PPFIA2: variants seen among roughly 807,000 people sequenced by gnomAD.
PPFIA2 encodes the protein liprin-alpha-2.
In PPFIA2, 46 loss-of-function variants were observed where a neutral mutation model predicts 175.5. The ratio of observed to expected loss-of-function variants is 0.26; its 90% CI spans 0.21 to 0.34. The LOEUF (loss-of-function observed/expected upper bound fraction) is 0.34. Ranked by LOEUF, PPFIA2 falls within the 10% of genes least tolerant of loss-of-function variation. The probability of loss-of-function intolerance (pLI) is 1.00; values close to 1 mark genes in which losing one functional copy is unlikely to be tolerated. For missense variants in PPFIA2, 1,179 were observed against 1,506.1 expected (o/e 0.78, Z 3.60); for synonymous variants, 568 against 511.4 (o/e 1.11, Z -1.49).
At chr12:81,466,969 GT>G (rs1231721325) in intron 4 of PPFIA2, among the ~76,000 whole-genome samples, 8 of 148,740 alleles carry the variant, frequency 5.4e-5, no homozygotes, top group African/African-American at 1.5e-4. Context: ...AAACCATGCA[GT>G]TTTTTTCTTT....
At chr12:81,396,726 T>C (rs1353978753) in intron 8 of PPFIA2, among the ~76,000 whole-genome samples, 1 of 152,046 alleles carries the variant, frequency 6.6e-6, no homozygotes, top group Non-Finnish European at 1.5e-5. Flanking sequence ...AATGAACAGA[T>C]TACTCTGATT....
At chr12:81,537,853 C>A (rs1420788965) in intron 4 of PPFIA2, among the ~76,000 whole-genome samples, 4 of 151,822 alleles carry the variant, frequency 2.6e-5, no homozygotes, top group Non-Finnish European at 5.9e-5. Context: ...TAAAAGGAAT[C>A]TCAAGATGTA....
chr12:81,565,171 C>A (rs761224600), intron 4 of PPFIA2, among the ~76,000 whole-genome samples: 9 of 152,180 alleles, frequency 5.9e-5, no homozygotes, highest in Non-Finnish European at 1.2e-4. Context: ...AGCCTCTCCA[C>A]CTTTGTCTGA....
chr12:81,493,248 T>C (rs2147124565), intron 4 of PPFIA2, among the ~76,000 whole-genome samples: 1 of 152,166 alleles, frequency 6.6e-6, no homozygotes, highest in South Asian at 2.1e-4. Flanking sequence ...GAAGTCATCA[T>C]TTATAAAAAG....
In PPFIA2 at chr12:81,676,828, G is replaced by A; in HGVS notation, c.266C>T (p.Thr89Ile). 2 of 1,563,514 alleles carry A rather than the reference G, an allele frequency of 1.3e-6. No homozygotes were observed. Among genetic ancestry groups the A allele is most frequent in the Non-Finnish European group, 1.7e-6 (2 of 1,155,648 alleles). The change falls in exon 4 of 33, where the codon ACA becomes ATA. Residue 89 changes from threonine (T) to isoleucine (I), a missense_variant. Thr to Ile is a moderately conservative substitution (Grantham distance 89). Transcript: ENST00000549396. ...SALPQDIESL[T>I]GGLAGSKGAD... ...CCCCTTAGAACCAGCCAGCCCTCCT[G>A]TTAGGGATTCGATATCCTGAAAAGG...
intron 14 of PPFIA2, among the ~76,000 whole-genome samples, chr12:81,363,555 T>C (rs1595588676): frequency 1.3e-5 from 2 of 151,870 alleles, no homozygotes. Flanking sequence ...TCTAAATGTA[T>C]CATTCTAGAT....
chr12:81,378,144 A>T (rs2036818333), intron 9 of PPFIA2: 1 of 152,222 alleles, frequency 6.6e-6, no homozygotes, highest in African/African-American at 2.4e-5. Context: ...ATCTCACTAG[A>T]GCCTTCAGAG....
At chr12:81,663,858 A>G (rs915364184) in intron 4 of PPFIA2, among the ~76,000 whole-genome samples, 1 of 152,232 alleles carries the variant, frequency 6.6e-6, no homozygotes, top group Non-Finnish European at 1.5e-5. Context: ...CCAATGGAAC[A>G]GAATAGAGCC....
At chr12:81,716,662 A>C (rs2078667064) in intron 3 of PPFIA2, among the ~76,000 whole-genome samples, 1 of 151,770 alleles carries the variant, frequency 6.6e-6, no homozygotes, top group Non-Finnish European at 1.5e-5. Flanking sequence ...GTTAGAAGTG[A>C]TGCTTTAAAC....
rs562079729 is a variant in PPFIA2, at chr12:81,451,318, A to C, written c.406-5598T>G. 1.3e-3 allele frequency among the ~76,000 whole-genome samples: 192 copies of C among 152,202 alleles called. 3 individuals are homozygous for C. The South Asian group carries it at 0.037, about 29-fold the overall frequency. On this transcript the variant is annotated intron_variant, in intron 5 of 32. Coordinates refer to ENST00000549396, the MANE Select transcript of PPFIA2 (RefSeq NM_003625.5). ...ACAATCCAAATCCCATCTTCCCAGT[A>C]ACATTTCTTGGGAATGTTTACCACT...
intron 4 of PPFIA2, among the ~76,000 whole-genome samples, chr12:81,642,821 T>C (rs1175691257): frequency 8.5e-6 from 1 of 117,874 alleles, no homozygotes; most frequent in Non-Finnish European, 1.7e-5. Context: ...TACATACATG[T>C]ATATGTATGT....
chr12:81,686,162 A>C (rs2074394953), intron 3 of PPFIA2, among the ~76,000 whole-genome samples: 1 of 152,058 alleles, frequency 6.6e-6, no homozygotes, highest in African/African-American at 2.4e-5. Flanking sequence ...CTTATTCACT[A>C]TCTGAAGAAG....
intron 3 of PPFIA2, among the ~76,000 whole-genome samples, chr12:81,689,296 T>A (rs1366331656): frequency 6.6e-6 from 1 of 152,056 alleles, no homozygotes; most frequent in African/African-American, 2.4e-5. Flanking sequence ...TTCAAATTTA[T>A]TTTTTATTTT....
At chr12:81,750,843 G>A (rs919721004) in intron 3 of PPFIA2, among the ~76,000 whole-genome samples, 3 of 152,016 alleles carry the variant, frequency 2.0e-5, no homozygotes, top group Non-Finnish European at 4.4e-5. Flanking sequence ...ATGTCATAAA[G>A]TTTATCTCTG....
At chr12:81,731,720 A>T (rs955548114) in intron 3 of PPFIA2, among the ~76,000 whole-genome samples, 1 of 151,680 alleles carries the variant, frequency 6.6e-6, no homozygotes, top group Non-Finnish European at 1.5e-5. Context: ...GCCATATACT[A>T]TCTTTGCAAA....
chr12:81,339,551 C>T (rs1185244103), intron 20 of PPFIA2, among the ~76,000 whole-genome samples: 1 of 151,676 alleles, frequency 6.6e-6, no homozygotes, highest in Non-Finnish European at 1.5e-5. Flanking sequence ...CATTTTTGCT[C>T]CGAATGTCTT....
intron 14 of PPFIA2, among the ~76,000 whole-genome samples, chr12:81,364,142 G>T (rs900218292): frequency 6.6e-6 from 1 of 151,772 alleles, no homozygotes; most frequent in Non-Finnish European, 1.5e-5. Context: ...TTAGGAAAAG[G>T]CATGGCAGAT....
At chr12:81,701,423 C>T (rs1333780293) in intron 3 of PPFIA2, among the ~76,000 whole-genome samples, 1 of 152,108 alleles carries the variant, frequency 6.6e-6, no homozygotes, top group African/African-American at 2.4e-5. Flanking sequence ...ACTGTTAATA[C>T]ATCCATCCAC....
chr12:81,491,716 T>C (rs771342429), intron 4 of PPFIA2, among the ~76,000 whole-genome samples: 3 of 151,954 alleles, frequency 2.0e-5, no homozygotes, highest in Non-Finnish European at 2.9e-5. Flanking sequence ...GAGAAATAAA[T>C]AGCTGTTTAA....
Sources: gnomAD v4.1 joint callset for allele counts (sites outside exome capture counted in the v4.1 genomes callset) on GRCh38, gnomAD v4.1.1 for gene constraint, MANE v1.5 for transcripts, NCBI Gene and HGNC (gene_info 2026-07-23, HGNC 2026-07-21) for gene names.